The following ARVCF variants were observed in gnomAD, a reference collection of about 807,000 sequenced individuals.
The protein encoded by ARVCF is splicing regulator ARVCF.
A neutral mutation model predicts 90.9 loss-of-function variants in ARVCF; 66 were observed. The ratio of observed to expected loss-of-function variants is 0.73; its 90% CI spans 0.60 to 0.89. The LOEUF is 0.89. ARVCF is among the 40% of genes least tolerant of loss of function. The probability of loss-of-function intolerance (pLI) is 0.00; values close to 1 mark genes in which losing one functional copy is unlikely to be tolerated. For missense variants in ARVCF, 1,469 were observed against 1,382.3 expected (o/e 1.06, Z -1.00); for synonymous variants, 653 against 603.4 (o/e 1.08, Z -1.21).
intron 8 of ARVCF, 24 bp from the exon 9 acceptor site, chr22:19,977,610 G>A: frequency 6.6e-7 from 1 of 1,505,054 alleles, no homozygotes; most frequent in Non-Finnish European, 8.9e-7. Context: ...TGAGTGGGTG[G>A]GGCAGGGCAC....
At position 19,981,712 on chromosome 22, in the gene ARVCF, G is replaced by T. The variant is rs766533291; in HGVS notation, c.395C>A (p.Thr132Asn). Residue 132 changes from threonine (T) to asparagine (N), a missense_variant, in exon 5 of 20, where the codon ACC becomes AAC. Transcript: ENST00000263207. ...GGGCACCTGGCGTACTGTCCGAGTG[G>T]TCACCGTCTTGACAGTCTTGGTGAC... is the stretch of plus-strand genomic sequence containing the variant. ...TKVTKTVKTVTTRTVRQVPVG... is the reference protein window; with the variant it reads ...TKVTKTVKTVNTRTVRQVPVG... The T allele has an allele frequency of 6.3e-7, 1 of 1,580,846 alleles. No homozygotes were observed.
At chr22:19,979,329 A>G in intron 6 of ARVCF, 1 of 546,970 alleles carries the variant, frequency 1.8e-6, no homozygotes, top group South Asian at 2.4e-5. Context: ...ATTCCCTGCC[A>G]TGTGGCAGGT....
chr22:20,010,623 G>A (rs1944792000), intron 1 of ARVCF, 115 bp from the exon 2 acceptor site: 1 of 152,244 alleles, frequency 6.6e-6, no homozygotes, highest in Non-Finnish European at 1.5e-5. Context: ...TGCCTGATCT[G>A]AAGGTCATCC....
intron 2 of ARVCF, among the ~76,000 whole-genome samples, chr22:19,994,851 A>G (rs1944182111): frequency 6.9e-6 from 1 of 145,880 alleles, no homozygotes; most frequent in Admixed American, 6.9e-5. Context: ...GGCGATGGAC[A>G]GAGAGAAAAA....
chr22:19,985,462 T>C (rs1943716683), intron 3 of ARVCF, among the ~76,000 whole-genome samples: 3 of 152,242 alleles, frequency 2.0e-5, no homozygotes. Context: ...AACACAGGGC[T>C]GAGCCCAGCA....
intron 2 of ARVCF, among the ~76,000 whole-genome samples, chr22:19,995,176 T>C (rs1275530716): frequency 2.6e-5 from 4 of 151,744 alleles, no homozygotes; most frequent in East Asian, 1.9e-4. Context: ...AGGAGACTAA[T>C]AGGTGGTTAT....
In ARVCF at chr22:19,985,446, C is replaced by T. The variant is rs528922199; in HGVS notation, c.211-3355G>A. Among the ~76,000 whole-genome samples the T allele has an allele frequency of 2.0e-5, 3 of 152,346 alleles. No homozygotes were observed. In the South Asian group the frequency reaches 6.2e-4, roughly 32 times the overall value. On this transcript the variant is annotated intron_variant, in intron 3 of 19. Transcript: ENST00000263207. ...CACCTACCCCTGCTCACAAGAGGGT[C>T]CCGGGAACACAGGGCTGAGCCCAGC...
downstream of ARVCF, among the ~76,000 whole-genome samples, chr22:19,966,183 G>A (rs1361519903): frequency 6.6e-6 from 1 of 152,214 alleles, no homozygotes; most frequent in Admixed American, 6.5e-5. Context: ...GGGTGTCCTT[G>A]TTAAACGCAC....
At chr22:19,968,495 C>T, downstream of ARVCF, 2 of 1,593,460 alleles carry the variant, frequency 1.3e-6, no homozygotes, top group East Asian at 2.3e-5. Flanking sequence ...TCTCTGGGCA[C>T]CTCTGACCCT....
At chr22:19,990,920 G>C in intron 2 of ARVCF, 108 bp from the exon 3 acceptor site, 1 of 1,093,594 alleles carries the variant, frequency 9.1e-7, no homozygotes, top group Non-Finnish European at 1.3e-6. Context: ...TCCCAGACCA[G>C]AGCATCCAGC....
intron 1 of ARVCF, among the ~76,000 whole-genome samples, chr22:20,013,263 C>T (rs916212395): frequency 6.6e-6 from 1 of 152,218 alleles, no homozygotes; most frequent in African/African-American, 2.4e-5. Context: ...GAGGCACAGA[C>T]CACACCTGGG....
intron 6 of ARVCF, 181 bp from the exon 7 acceptor site, chr22:19,979,261 G>A: frequency 3.0e-6 from 2 of 672,868 alleles, no homozygotes; most frequent in South Asian, 2.0e-5. Context: ...AGCTAGGAAG[G>A]AGCCCCAAAG....
Position 19,971,203 on chromosome 22 carries a change from TGA to T in ARVCF, c.*12+11_*12+12del, listed in dbSNP as rs1277854678. 2.6e-5 allele frequency: 40 copies of T among 1,551,504 alleles called. No homozygotes were observed. The highest frequency in any genetic ancestry group is 3.5e-5 in the Non-Finnish European group (40 of 1,147,012). On this transcript the variant is annotated intron_variant, in intron 19 of 19. Coordinates refer to ENST00000263207, the MANE Select transcript of ARVCF (RefSeq NM_001670.3). The stretch of plus-strand genomic sequence containing the variant: ...AGGAACAGGTGGACGAACAACCAGA[TGA>T]GAGAACGTACCAGGCATGCAAGCTA...
At chr22:19,995,458 G>A (rs1303094199) in intron 2 of ARVCF, among the ~76,000 whole-genome samples, 5 of 152,000 alleles carry the variant, frequency 3.3e-5, no homozygotes, top group Admixed American at 6.5e-5. Context: ...GGAAAGCCCC[G>A]GCCCGCAAAC....
chr22:20,011,184 T>C (rs933451726), intron 1 of ARVCF, among the ~76,000 whole-genome samples: 1 of 152,206 alleles, frequency 6.6e-6, no homozygotes, highest in African/African-American at 2.4e-5. Context: ...TCACACAGCT[T>C]TCAGCCTTCC....
chr22:20,008,076 TAAAC>T (rs916293373), intron 2 of ARVCF, among the ~76,000 whole-genome samples: 4 of 152,058 alleles, frequency 2.6e-5, no homozygotes, highest in African/African-American at 7.2e-5. Flanking sequence ...AAAATGATCA[TAAAC>T]AAAAACTAAA....
chr22:19,967,584 C>T (rs1942487898), downstream of ARVCF: 2 of 365,350 alleles, frequency 5.5e-6, no homozygotes, highest in African/African-American at 4.3e-5. Flanking sequence ...ACCAGGACAG[C>T]TGCAAGCCCT....
intron 2 of ARVCF, among the ~76,000 whole-genome samples, chr22:20,004,384 A>T (rs575402750): frequency 6.6e-6 from 1 of 152,178 alleles, no homozygotes; most frequent in East Asian, 1.9e-4. Flanking sequence ...AGCTAGTCAG[A>T]GGCTGAGGCT....
intron 3 of ARVCF, among the ~76,000 whole-genome samples, chr22:19,986,356 G>A (rs1476471189): frequency 6.6e-6 from 1 of 152,196 alleles, no homozygotes; most frequent in African/African-American, 2.4e-5. Flanking sequence ...TCTCTCCTCT[G>A]CTCAGTTTCC....
Sources: allele counts gnomAD v4.1 joint callset (sites outside exome capture counted in the v4.1 genomes callset), GRCh38; gene constraint gnomAD v4.1.1; transcripts MANE v1.5; gene names NCBI Gene and HGNC (gene_info 2026-07-23, HGNC 2026-07-21).